Variants in DPP10 observed in about 807,000 individuals in gnomAD.
DPP10 encodes the protein dipeptidyl peptidase like 10.
A neutral mutation model predicts 120.9 loss-of-function variants in DPP10; 33 were observed. The observed-to-expected ratio is 0.27, with a 90% CI of 0.21 to 0.37. The LOEUF is 0.37. Ranked by LOEUF, DPP10 falls within the 10% of genes least tolerant of loss-of-function variation. The pLI is 1.00. For missense variants in DPP10, 816 were observed against 942.8 expected, an observed-to-expected ratio of 0.87 and a Z score of 1.76; for synonymous variants, 337 against 326.1, an observed-to-expected ratio of 1.03 and a Z score of -0.36.
intron 1 of DPP10, among the ~76,000 whole-genome samples, chr2:114,730,482 A>G (rs1180943082): frequency 6.6e-6 from 1 of 152,250 alleles, no homozygotes; most frequent in Non-Finnish European, 1.5e-5. Flanking sequence ...TTTGCCTGGC[A>G]TGCAGAGTTG....
intron 1 of DPP10, among the ~76,000 whole-genome samples, chr2:114,958,113 A>G (rs1698345987): frequency 6.6e-6 from 1 of 152,142 alleles, no homozygotes; most frequent in Admixed American, 6.6e-5. Flanking sequence ...CATGGTCAGA[A>G]CAAATTTATA....
At chr2:115,432,316 G>A (rs1712005) in intron 3 of DPP10, among the ~76,000 whole-genome samples, 16,757 of 152,028 alleles carry the variant, frequency 0.11, 1,097 homozygotes, top group African/African-American at 0.18. Context: ...GAAAGACGAT[G>A]CAATTTATTT....
In DPP10 at chr2:115,791,089, A is replaced by G; in HGVS notation, c.1540A>G (p.Ile514Val). 6.2e-7 allele frequency: 1 copy of G among 1,611,550 alleles called. No individual in the cohort carries two copies. The change falls in exon 18 of 26, where the codon ATA becomes GTA. Residue 514 changes from isoleucine (I) to valine (V), a missense_variant. By Grantham distance (29) the Ile-to-Val change is conservative (BLOSUM62 3). Around this residue, in one of 3 missense-constraint regions of DPP10, gnomAD observed 592 missense variants for 649.0 expected, o/e 0.91. Coordinates refer to ENST00000410059, the MANE Select transcript of DPP10 (RefSeq NM_020868.6). ...HSTDNPAKYFILESNSMLKEA... is the reference protein window; with the variant it reads ...HSTDNPAKYFVLESNSMLKEA... ...CCCTTTTTGGTTTACAGAATATTTT[A>G]TATTGGAAAGCAATTCTATGCTGAA... is the stretch of plus-strand genomic sequence containing the variant.
At chr2:114,763,194 T>C (rs534782111) in intron 1 of DPP10, among the ~76,000 whole-genome samples, 3 of 152,254 alleles carry the variant, frequency 2.0e-5, no homozygotes, top group South Asian at 4.1e-4. Flanking sequence ...GCTGGAGTGC[T>C]GAAAACATGT....
At chr2:115,517,693 A>G (rs745321621) in intron 4 of DPP10, among the ~76,000 whole-genome samples, 3 of 152,206 alleles carry the variant, frequency 2.0e-5, no homozygotes, top group African/African-American at 7.2e-5. Flanking sequence ...TGCTAAATCT[A>G]TCACGATTGA....
intron 10 of DPP10, among the ~76,000 whole-genome samples, chr2:115,752,513 T>G (rs1250138739): frequency 1.3e-5 from 2 of 152,178 alleles, no homozygotes. Flanking sequence ...ATTTCTTGTT[T>G]AAAAATGTTT....
At chr2:114,719,337 C>T (rs1701556131) in intron 1 of DPP10, among the ~76,000 whole-genome samples, 1 of 152,102 alleles carries the variant, frequency 6.6e-6, no homozygotes, top group South Asian at 2.1e-4. Flanking sequence ...CAAGTCTCAC[C>T]TTGACATTTA....
chr2:114,687,960 C>T (rs1438425779), intron 1 of DPP10, among the ~76,000 whole-genome samples: 2 of 151,964 alleles, frequency 1.3e-5, no homozygotes, highest in African/African-American at 4.8e-5. Context: ...GTAATGAAAA[C>T]ATTTCTTCTA....
At position 115,766,330 on chromosome 2, in the gene DPP10, ATATATATG is replaced by A. The variant is rs1242591199; in HGVS notation, c.1114-1959_1114-1952del. 2.0e-3 allele frequency among the ~76,000 whole-genome samples: 175 copies of A among 88,174 alleles called. 2 individuals are homozygous for A. The highest frequency in any genetic ancestry group is 5.3e-3 in the African/African-American group (151 of 28,296). 57.8% of individuals were successfully genotyped at this position (88,174 alleles called of 152,430 possible). ...TGTGTGTATATATATATATATGTAT[ATATATATG>A]TATATATATATATATATCACTCTAT... On this transcript the variant is annotated intron_variant, in intron 12 of 25. Transcript: ENST00000410059.
chr2:115,083,208 C>A (rs993694264), intron 1 of DPP10, among the ~76,000 whole-genome samples: 1 of 152,068 alleles, frequency 6.6e-6, no homozygotes, highest in Non-Finnish European at 1.5e-5. Flanking sequence ...TGTTTCCATC[C>A]ACAAACTCTC....
chr2:115,382,979 G>T (rs1167925154), intron 3 of DPP10, among the ~76,000 whole-genome samples: 2 of 152,148 alleles, frequency 1.3e-5, no homozygotes, highest in African/African-American at 4.8e-5. Context: ...TTCTGCACAG[G>T]GGGTGCCATA....
intron 1 of DPP10, among the ~76,000 whole-genome samples, chr2:114,662,232 G>A (rs1697469133): frequency 6.6e-6 from 1 of 152,206 alleles, no homozygotes; most frequent in African/African-American, 2.4e-5. Context: ...TGAGGGGGGA[G>A]ACTGGAAAAG....
intron 1 of DPP10, among the ~76,000 whole-genome samples, chr2:115,038,525 C>T (rs1053161314): frequency 6.6e-6 from 1 of 152,060 alleles, no homozygotes; most frequent in Non-Finnish European, 1.5e-5. Flanking sequence ...GATCCGCCCA[C>T]CTCTACCTCC....
chr2:115,104,759 G>T (rs926431391), intron 1 of DPP10, among the ~76,000 whole-genome samples: 1 of 152,178 alleles, frequency 6.6e-6, no homozygotes, highest in African/African-American at 2.4e-5. Context: ...TATAATCCCA[G>T]TGCTCTGGGA....
At chr2:114,530,004 C>T (rs1272841881) in intron 1 of DPP10, among the ~76,000 whole-genome samples, 1 of 152,122 alleles carries the variant, frequency 6.6e-6, no homozygotes, top group Non-Finnish European at 1.5e-5. Context: ...TATGTCCCTG[C>T]AAAGAACATG....
intron 1 of DPP10, among the ~76,000 whole-genome samples, chr2:114,674,532 T>TA (rs1272394451): frequency 1.3e-5 from 2 of 152,186 alleles, no homozygotes; most frequent in African/African-American, 4.8e-5. Flanking sequence ...AACCTCTTTT[T>TA]AAATAAACAA....
intron 1 of DPP10, among the ~76,000 whole-genome samples, chr2:114,798,393 A>G (rs2106268171): frequency 6.6e-6 from 1 of 152,340 alleles, no homozygotes; most frequent in African/African-American, 2.4e-5. Flanking sequence ...CTGTAAATCT[A>G]AAGTAATCAT....
intron 1 of DPP10, among the ~76,000 whole-genome samples, chr2:114,530,831 T>C (rs1685912406): frequency 6.6e-6 from 1 of 152,088 alleles, no homozygotes; most frequent in Non-Finnish European, 1.5e-5. Context: ...AACATCAAGT[T>C]TGGATATATG....
intron 1 of DPP10, among the ~76,000 whole-genome samples, chr2:114,995,040 G>T (rs2104954320): frequency 6.6e-6 from 1 of 152,320 alleles, no homozygotes; most frequent in South Asian, 2.1e-4. Context: ...ACTTTAGCCA[G>T]TGGGATGTTA....
Sources: gnomAD v4.1 joint callset for allele counts (sites outside exome capture counted in the v4.1 genomes callset) on GRCh38, gnomAD v4.1.1 for gene constraint, gnomAD v4.1.1 regional missense constraint, MANE v1.5 for transcripts, NCBI Gene and HGNC (gene_info 2026-07-23, HGNC 2026-07-21) for gene names.